SNX32: variants seen among roughly 807,000 people sequenced by gnomAD.
The protein encoded by SNX32 is sorting nexin 32.
A neutral mutation model predicts 57.0 loss-of-function variants in SNX32; 58 were observed. The ratio of observed to expected loss-of-function variants is 1.02; its 90% CI spans 0.82 to 1.27. The LOEUF is 1.27. Among genes scored for constraint, SNX32 ranks in the 50% most tolerant of loss-of-function variants. The pLI is 0.00. For synonymous variants in SNX32, 262 were observed against 220.4 expected, an observed-to-expected ratio of 1.19 and a Z score of -1.67; for missense variants, 589 against 541.2, an observed-to-expected ratio of 1.09 and a Z score of -0.88.
chr11:65,834,084 G>T lies in SNX32; in HGVS notation c.19G>T (p.Val7Phe), dbSNP rs775912230. 3.8e-5 allele frequency: 59 copies of T among 1,551,272 alleles called. No individual in the cohort carries two copies. Among genetic ancestry groups the T allele is most frequent in the Non-Finnish European group, 4.8e-5 (55 of 1,146,860 alleles). ...GAGAGCGATGGAGACGTATGCGGAG[G>T]TTGGGAAGGAGGGCAAGGTAGAGAA... METYAE[V>F]GKEGKPSCAS... is the part of the protein sequence containing the mutation. Residue 7 changes from valine to phenylalanine, a missense_variant, in exon 1 of 13, where the codon GTT (valine) becomes TTT (phenylalanine). Val to Phe is a conservative substitution (Grantham distance 50, BLOSUM62 -1). Coordinates refer to ENST00000308342, the MANE Select transcript of SNX32 (RefSeq NM_152760.3).
intron 1 of SNX32, among the ~76,000 whole-genome samples, chr11:65,843,691 A>T (rs978218685): frequency 1.3e-5 from 2 of 152,258 alleles, no homozygotes; most frequent in Non-Finnish European, 2.9e-5. Flanking sequence ...GTTTTCTTTA[A>T]CAGGACACAA....
chr11:65,853,241 C>A (rs1358317628), intron 12 of SNX32, 41 bp from the exon 13 acceptor site: 8 of 1,613,760 alleles, frequency 5.0e-6, no homozygotes, highest in Non-Finnish European at 6.8e-6. Flanking sequence ...CAGCCTGACT[C>A]AGGGAGCAGG....
At chr11:65,838,094 T>G (rs1398694348) in intron 1 of SNX32, among the ~76,000 whole-genome samples, 1 of 151,766 alleles carries the variant, frequency 6.6e-6, no homozygotes, top group Non-Finnish European at 1.5e-5. Context: ...AGGCGGAGGT[T>G]GCAGTGAGCC....
At chr11:65,842,297 A>C (rs1858861468) in intron 1 of SNX32, among the ~76,000 whole-genome samples, 1 of 152,214 alleles carries the variant, frequency 6.6e-6, no homozygotes, top group African/African-American at 2.4e-5. Flanking sequence ...CAGTGCTCAA[A>C]TAGCTGGCCA....
chr11:65,843,534 A>G (rs1341890793), intron 1 of SNX32, among the ~76,000 whole-genome samples: 3 of 151,694 alleles, frequency 2.0e-5, no homozygotes, highest in Admixed American at 6.6e-5. Context: ...GCCACTGCAC[A>G]CCAGCCTGGG....
chr11:65,842,006 G>A (rs1858855151), intron 1 of SNX32, among the ~76,000 whole-genome samples: 1 of 152,060 alleles, frequency 6.6e-6, no homozygotes, highest in African/African-American at 2.4e-5. Context: ...ACATTTTTGA[G>A]GGGTAGAAAT....
At chr11:65,839,490 A>G (rs1399665129) in intron 1 of SNX32, among the ~76,000 whole-genome samples, 2 of 146,586 alleles carry the variant, frequency 1.4e-5, no homozygotes, top group Non-Finnish European at 3.0e-5. Flanking sequence ...CGGCCTCCCA[A>G]AGTGCTGGGA....
chr11:65,850,560 C>T lies in SNX32; in HGVS notation c.498+6C>T, dbSNP rs1330233275. 3 of 1,601,122 alleles carry T rather than the reference C, an allele frequency of 1.9e-6. No homozygotes were observed. Among genetic ancestry groups the T allele is most frequent in the South Asian group, 1.1e-5 (1 of 89,544 alleles). ...TTTTGGAATATGGACAGGATGTGAG[C>T]TGGGCCGAATCCCTGGGGTCACCCT... On this transcript the variant is annotated splice_donor_region_variant and intron_variant, in intron 5 of 12. Transcript: ENST00000308342.
chr11:65,834,926 GTGTC>G (rs1367438210), intron 1 of SNX32, among the ~76,000 whole-genome samples: 4 of 151,298 alleles, frequency 2.6e-5, no homozygotes, highest in Non-Finnish European at 4.4e-5. Context: ...CTATGTCAGT[GTGTC>G]TGTGTGTGCA....
chr11:65,850,946 C>T, intron 6 of SNX32, 91 bp downstream of exon 6: 1 of 1,490,334 alleles, frequency 6.7e-7, no homozygotes, highest in Non-Finnish European at 9.4e-7. Flanking sequence ...AAGGAAGCCA[C>T]TGGTGGGGCC....
chr11:65,840,449 G>T (rs1025136871), intron 1 of SNX32, among the ~76,000 whole-genome samples: 7 of 152,096 alleles, frequency 4.6e-5, no homozygotes, highest in Non-Finnish European at 5.9e-5. Context: ...AGGTATAAAG[G>T]TTGGAAAGGA....
rs761402571 is a variant in SNX32 at position 65,849,911 on chromosome 11, C to T, written c.142-9C>T. ...GAGAGAGGACCTCAGTTGGCCTTCC[C>T]GCTTCCAGAGCTGCCTCCCTCACTT... On this transcript the variant is annotated splice_polypyrimidine_tract_variant and intron_variant, in intron 2 of 12. Coordinates refer to ENST00000308342, the MANE Select transcript of SNX32 (RefSeq NM_152760.3). 9 of 1,552,736 alleles carry T rather than the reference C, an allele frequency of 5.8e-6. No homozygotes were observed. The highest frequency in any genetic ancestry group is 1.2e-5 in the South Asian group (1 of 81,866).
At chr11:65,846,473 G>A (rs1013956161) in intron 1 of SNX32, among the ~76,000 whole-genome samples, 2 of 151,710 alleles carry the variant, frequency 1.3e-5, no homozygotes, top group African/African-American at 2.4e-5. Flanking sequence ...GGCTGAGGCA[G>A]GAGAATTGCT....
intron 1 of SNX32, among the ~76,000 whole-genome samples, chr11:65,846,396 A>G (rs1222772699): frequency 6.7e-6 from 1 of 149,010 alleles, no homozygotes; most frequent in Non-Finnish European, 1.5e-5. Context: ...GAGAAACCCC[A>G]TCTCTACTAA....
chr11:65,844,283 C>T (rs1031011059), intron 1 of SNX32, among the ~76,000 whole-genome samples: 14 of 152,126 alleles, frequency 9.2e-5, no homozygotes, highest in Admixed American at 8.5e-4. Flanking sequence ...ATCATAAGGA[C>T]AAACATAGAC....
intron 1 of SNX32, among the ~76,000 whole-genome samples, chr11:65,841,085 C>T (rs1858827745): frequency 6.6e-6 from 1 of 151,998 alleles, no homozygotes; most frequent in Admixed American, 6.6e-5. Context: ...GCTGGGATTA[C>T]AAGCGCCCCC....
rs562225489 is a variant in SNX32 at position 65,845,208 on chromosome 11, G to T, written c.37-4270G>T. Among the ~76,000 whole-genome samples, 300 of 151,318 alleles carry T rather than the reference G, an allele frequency of 2.0e-3. 5 individuals are homozygous for T. The highest frequency in any genetic ancestry group is 6.2e-3 in the African/African-American group (256 of 41,228). On this transcript the variant is annotated intron_variant, in intron 1 of 12. Coordinates refer to ENST00000308342, the MANE Select transcript of SNX32 (RefSeq NM_152760.3). ...TAATTCCAGCACTTTGGGAGGCCGAGGCGGGCGGATCATGAGGTCTGGAGA... is the reference window on the plus strand; with the variant it reads ...TAATTCCAGCACTTTGGGAGGCCGATGCGGGCGGATCATGAGGTCTGGAGA...
intron 1 of SNX32, among the ~76,000 whole-genome samples, chr11:65,845,205 CG>C (rs1485281199): frequency 1.3e-5 from 2 of 150,542 alleles, no homozygotes; most frequent in East Asian, 3.9e-4. Flanking sequence ...TTTGGGAGGC[CG>C]AGGCGGGCGG....
At chr11:65,848,341 G>C (rs922904681) in intron 1 of SNX32, among the ~76,000 whole-genome samples, 1 of 152,004 alleles carries the variant, frequency 6.6e-6, no homozygotes, top group Non-Finnish European at 1.5e-5. Context: ...GGGAGGCTGA[G>C]GTGGGAGGAT....
Sources: gnomAD v4.1 joint callset for allele counts (sites outside exome capture counted in the v4.1 genomes callset) on GRCh38, gnomAD v4.1.1 for gene constraint, MANE v1.5 for transcripts, NCBI Gene and HGNC (gene_info 2026-07-23, HGNC 2026-07-21) for gene names.